Variants in DENND1A observed in about 807,000 individuals in gnomAD.
The protein encoded by DENND1A is DENN domain-containing protein 1A.
DENND1A carries 51 observed loss-of-function variants against 113.7 expected under a neutral mutation model. The observed-to-expected ratio is 0.45, with a 90% confidence interval of 0.36 to 0.57. The LOEUF (loss-of-function observed/expected upper bound fraction) is 0.57. DENND1A is among the 20% of genes least tolerant of loss of function. DENND1A has a pLI of 0.00. For missense variants in DENND1A, 1,258 were observed against 1,395.9 expected, an observed-to-expected ratio of 0.90 and a Z score of 1.57; for synonymous variants, 565 against 570.8, an observed-to-expected ratio of 0.99 and a Z score of 0.14.
Position 123,854,731 on chromosome 9 carries a change from T to TA in DENND1A, c.88+24219dup, listed in dbSNP as rs928618328. Among the ~76,000 whole-genome samples, 17 of 148,126 alleles carry TA rather than the reference T, an allele frequency of 1.1e-4. 2 individuals carry two copies. The highest frequency in any genetic ancestry group is 4.4e-4 in the African/African-American group (17 of 38,670). On this transcript the variant is annotated intron_variant, in intron 2 of 23. Coordinates refer to ENST00000394215, the MANE Select transcript of DENND1A (RefSeq NM_001352964.2). ...AAAAATAAAAATAAGTAAAATGAAA[T>TA]AAAAAATGAAGCAACTGATTTAATC...
At chr9:123,788,551 G>T (rs1450986528) in intron 3 of DENND1A, among the ~76,000 whole-genome samples, 1 of 152,006 alleles carries the variant, frequency 6.6e-6, no homozygotes, top group Non-Finnish European at 1.5e-5. Context: ...AAACATAATA[G>T]AATAATTATA....
intron 13 of DENND1A, among the ~76,000 whole-genome samples, chr9:123,466,301 A>G (rs1347791779): frequency 6.6e-6 from 1 of 150,972 alleles, no homozygotes; most frequent in Non-Finnish European, 1.5e-5. Flanking sequence ...CTGCCTTTTT[A>G]TTTATTTATT....
chr9:123,413,784 C>T (rs974358360), intron 19 of DENND1A: 9 of 985,342 alleles, frequency 9.1e-6, no homozygotes, highest in Middle Eastern at 1.0e-3. Context: ...CATGTTTTTT[C>T]CCCTTCCTGG....
At chr9:123,780,424 G>T (rs939454876) in intron 3 of DENND1A, among the ~76,000 whole-genome samples, 3 of 152,336 alleles carry the variant, frequency 2.0e-5, no homozygotes, top group Middle Eastern at 3.4e-3. Flanking sequence ...TTGGATGATA[G>T]ATCGGATTAA....
intron 7 of DENND1A, 102 bp downstream of exon 7, chr9:123,671,189 G>A: frequency 2.2e-6 from 3 of 1,346,702 alleles, no homozygotes; most frequent in South Asian, 2.3e-5. Context: ...GTAGGGTTAG[G>A]GGAGGTATGG....
intron 5 of DENND1A, among the ~76,000 whole-genome samples, chr9:123,724,598 G>A (rs1330279101): frequency 6.6e-6 from 1 of 152,092 alleles, no homozygotes; most frequent in East Asian, 1.9e-4. Context: ...ATGCAGACAG[G>A]AGGTGGCAGC....
intron 12 of DENND1A, among the ~76,000 whole-genome samples, chr9:123,565,609 T>G (rs1037417058): frequency 3.9e-5 from 6 of 152,200 alleles, no homozygotes; most frequent in African/African-American, 1.4e-4. Flanking sequence ...AAAGTAGGCA[T>G]CAAGGCTTTT....
At chr9:123,761,555 A>G (rs1204701274) in intron 4 of DENND1A, among the ~76,000 whole-genome samples, 1 of 152,184 alleles carries the variant, frequency 6.6e-6, no homozygotes, top group African/African-American at 2.4e-5. Context: ...TGGGTGACCA[A>G]GTGACTGATG....
intron 7 of DENND1A, among the ~76,000 whole-genome samples, chr9:123,670,940 C>T (rs1220589203): frequency 6.6e-6 from 1 of 152,198 alleles, no homozygotes; most frequent in Non-Finnish European, 1.5e-5. Flanking sequence ...ACATGTACAG[C>T]AGTGCTGGGG....
rs548597005 is a variant in DENND1A, at chr9:123,756,996, G to A, written c.302+707C>T. On this transcript the variant is annotated intron_variant, in intron 5 of 23. Coordinates refer to ENST00000394215, the MANE Select transcript of DENND1A (RefSeq NM_001352964.2). The stretch of plus-strand genomic sequence containing the variant: ...TACTTAACCAAGGCAGATGGAGAGG[G>A]GAGCATGGGGGATGCCTTTACTTCC... Among the ~76,000 whole-genome samples, 9 of 152,302 alleles carry A rather than the reference G, an allele frequency of 5.9e-5. No individual in the cohort carries two copies. The South Asian group carries it at 1.9e-3, about 32-fold the overall frequency.
intron 1 of DENND1A, among the ~76,000 whole-genome samples, chr9:123,918,857 TTGA>T (rs972462014): frequency 6.6e-6 from 1 of 152,122 alleles, no homozygotes; most frequent in Non-Finnish European, 1.5e-5. Context: ...AATGTACCTC[TTGA>T]TGGAAGTACC....
At chr9:123,556,755 G>T (rs1459246036) in intron 13 of DENND1A, among the ~76,000 whole-genome samples, 4 of 152,200 alleles carry the variant, frequency 2.6e-5, no homozygotes, top group Non-Finnish European at 4.4e-5. Context: ...TCTCCCCTCT[G>T]CAGGGTGACC....
intron 13 of DENND1A, among the ~76,000 whole-genome samples, chr9:123,488,218 C>T (rs910152812): frequency 2.6e-5 from 4 of 152,250 alleles, no homozygotes; most frequent in African/African-American, 9.6e-5. Flanking sequence ...GTGAACCCTG[C>T]TTGTTCAATT....
chr9:123,902,295 T>G (rs1361441469), intron 1 of DENND1A, among the ~76,000 whole-genome samples: 2 of 151,940 alleles, frequency 1.3e-5, no homozygotes, highest in Non-Finnish European at 2.9e-5. Context: ...TTGGTTATAA[T>G]AATTACACAC....
intron 6 of DENND1A, among the ~76,000 whole-genome samples, chr9:123,674,232 G>T (rs1056174912): frequency 2.0e-5 from 3 of 151,988 alleles, no homozygotes; most frequent in Non-Finnish European, 4.4e-5. Flanking sequence ...AAGGTCTGAT[G>T]AGCATGATGG....
chr9:123,843,134 C>A, intron 2 of DENND1A: 2 of 550,190 alleles, frequency 3.6e-6, no homozygotes, highest in South Asian at 2.8e-5. Flanking sequence ...TCTTGGAGAA[C>A]TTCTCAATAT....
chr9:123,813,183 G>A (rs894701685), intron 2 of DENND1A, among the ~76,000 whole-genome samples: 1 of 152,058 alleles, frequency 6.6e-6, no homozygotes, highest in Non-Finnish European at 1.5e-5. Context: ...GGCTGGTCTC[G>A]AACTCCTGAA....
At chr9:123,522,700 T>C (rs1213295387) in intron 13 of DENND1A, among the ~76,000 whole-genome samples, 1 of 152,218 alleles carries the variant, frequency 6.6e-6, no homozygotes, top group Non-Finnish European at 1.5e-5. Flanking sequence ...GCAGCTCAGC[T>C]ACCTTTTAAT....
chr9:123,457,983 T>A, intron 13 of DENND1A, 86 bp from the exon 14 acceptor site: 2 of 1,000,116 alleles, frequency 2.0e-6, no homozygotes, highest in Non-Finnish European at 2.9e-6. Context: ...AGTTTCTCCA[T>A]CTGCTATTTT....
Sources: gnomAD v4.1 joint callset for allele counts (sites outside exome capture counted in the v4.1 genomes callset) on GRCh38, gnomAD v4.1.1 for gene constraint, MANE v1.5 for transcripts, NCBI Gene and HGNC (gene_info 2026-07-23, HGNC 2026-07-21) for gene names.